Variants in NEO1 observed in about 807,000 individuals in gnomAD.
The protein encoded by NEO1 is neogenin.
Under a neutral mutation model 159.7 loss-of-function variants are expected in NEO1, and 63 were observed. That is an observed-to-expected ratio of 0.39 (90% CI 0.32 to 0.49). The LOEUF (loss-of-function observed/expected upper bound fraction) is 0.49, where lower values mean the gene tolerates loss of function less well. Ranked by LOEUF, NEO1 falls within the 20% of genes least tolerant of loss-of-function variation. The pLI is 0.85. For synonymous variants in NEO1, 633 were observed against 662.0 expected (o/e 0.96, Z 0.67); for missense variants, 1,615 against 1,831.0 (o/e 0.88, Z 2.15).
chr15:73,188,755 A>G (rs2036074428), intron 7 of NEO1, among the ~76,000 whole-genome samples: 1 of 152,202 alleles, frequency 6.6e-6, no homozygotes. Context: ...AAAGGATACA[A>G]ACCTAATCAC....
At chr15:73,092,435 T>C (rs1447325132) in intron 1 of NEO1, among the ~76,000 whole-genome samples, 1 of 152,206 alleles carries the variant, frequency 6.6e-6, no homozygotes, top group East Asian at 1.9e-4. Context: ...ATGGCATTAG[T>C]TTTTGATTTG....
chr15:73,240,595 AC>A (rs781514270), intron 8 of NEO1, among the ~76,000 whole-genome samples: 34 of 152,360 alleles, frequency 2.2e-4, no homozygotes, highest in Admixed American at 3.9e-4. Flanking sequence ...AGAAAGTTGT[AC>A]ACTGTGATTT....
intron 1 of NEO1, among the ~76,000 whole-genome samples, chr15:73,099,333 G>A (rs1019416947): frequency 1.3e-5 from 2 of 152,194 alleles, no homozygotes; most frequent in Non-Finnish European, 2.9e-5. Flanking sequence ...GCAGGACTGA[G>A]TTAAGAAGCT....
intron 15 of NEO1, among the ~76,000 whole-genome samples, chr15:73,265,429 A>G (rs2040839619): frequency 6.6e-6 from 1 of 152,194 alleles, no homozygotes; most frequent in Non-Finnish European, 1.5e-5. Flanking sequence ...AAAGATCCAG[A>G]CTAGAGATCT....
Position 73,295,125 on chromosome 15 carries a change from A to AATATATAT in NEO1, c.3901+1588_3901+1595dup, listed in dbSNP as rs10524460. Among the ~76,000 whole-genome samples the AATATATAT allele has an allele frequency of 2.5e-3, 246 of 100,184 alleles. 9 individuals carry two copies. Among genetic ancestry groups the AATATATAT allele is most frequent in the African/African-American group, 6.7e-3 (185 of 27,730 alleles). 65.7% of individuals were successfully genotyped at this position (100,184 alleles called of 152,430 possible). On this transcript the variant is annotated intron_variant, in intron 26 of 28. Transcript: ENST00000261908. ...AAGATCCCGTCTCTACTAAATATTA[A>AATATATAT]ATATATATATATATATATGTAAAAA...
intron 1 of NEO1, among the ~76,000 whole-genome samples, chr15:73,083,935 ATGAGGCAC>A (rs897380458): frequency 6.6e-6 from 1 of 152,180 alleles, no homozygotes; most frequent in African/African-American, 2.4e-5. Context: ...GATTACAGGC[ATGAGGCAC>A]TATGCCTGGC....
At chr15:73,117,246 G>T (rs2071378518) in intron 2 of NEO1, among the ~76,000 whole-genome samples, 1 of 152,156 alleles carries the variant, frequency 6.6e-6, no homozygotes, top group African/African-American at 2.4e-5. Flanking sequence ...CAGAATCCTG[G>T]TTCCTTGATG....
At chr15:73,237,291 T>C (rs1422585923) in intron 8 of NEO1, among the ~76,000 whole-genome samples, 2 of 152,204 alleles carry the variant, frequency 1.3e-5, no homozygotes, top group African/African-American at 4.8e-5. Context: ...ATCCCTAATA[T>C]TGGCACTTGA....
chr15:73,142,652 G>C (rs1457684288), intron 5 of NEO1, among the ~76,000 whole-genome samples: 5 of 152,118 alleles, frequency 3.3e-5, no homozygotes, highest in Non-Finnish European at 7.4e-5. Context: ...AACTGATGGA[G>C]GCAAAGGCTC....
intron 5 of NEO1, among the ~76,000 whole-genome samples, chr15:73,138,212 G>GA (rs1355706501): frequency 6.6e-6 from 1 of 152,130 alleles, no homozygotes; most frequent in Non-Finnish European, 1.5e-5. Flanking sequence ...ACCTACAAAA[G>GA]AAAAAGATTG....
In NEO1 at chr15:73,090,482, T is replaced by C. The variant is rs147601533; in HGVS notation, c.131-26058T>C. On this transcript the variant is annotated intron_variant, in intron 1 of 28. Coordinates refer to ENST00000261908, the MANE Select transcript of NEO1 (RefSeq NM_002499.4). ...AATTTGTTAATATGATAATCTCTGC[T>C]TAAAGATGGCAGCCCAATGAATAGG... Among the ~76,000 whole-genome samples, 450 of 152,336 alleles carry C rather than the reference T, an allele frequency of 3.0e-3. 2 individuals are homozygous for C. Among genetic ancestry groups the C allele is most frequent in the African/African-American group, 0.01 (427 of 41,584 alleles).
At chr15:73,056,973 A>T (rs1430092581) in intron 1 of NEO1, among the ~76,000 whole-genome samples, 2 of 152,212 alleles carry the variant, frequency 1.3e-5, no homozygotes, top group Admixed American at 6.5e-5. Flanking sequence ...CATAAACTGT[A>T]TGAAAATTAA....
At position 73,117,056 on chromosome 15, in the gene NEO1, G is replaced by T. The variant is rs147523832; in HGVS notation, c.448+199G>T. Among the ~76,000 whole-genome samples, 8 of 152,252 alleles carry T rather than the reference G, an allele frequency of 5.3e-5. No individual in the cohort carries two copies. In the East Asian group the frequency reaches 1.2e-3, roughly 22 times the overall value. On this transcript the variant is annotated intron_variant, in intron 2 of 28. Coordinates refer to ENST00000261908, the MANE Select transcript of NEO1 (RefSeq NM_002499.4). ...AGTGCCGTAGAGAATAAACTGTAGC[G>T]TGTTTCCACTTGTCTGATGGCTTAA...
intron 25 of NEO1, among the ~76,000 whole-genome samples, chr15:73,292,064 T>C (rs929533251): frequency 7.9e-5 from 12 of 152,080 alleles, no homozygotes; most frequent in African/African-American, 2.7e-4. Context: ...GAGCCTCTGG[T>C]CCCCAAGAGC....
chr15:73,157,506 G>A (rs2033867691), intron 5 of NEO1, among the ~76,000 whole-genome samples: 1 of 152,236 alleles, frequency 6.6e-6, no homozygotes, highest in African/African-American at 2.4e-5. Flanking sequence ...AGCCTGGATT[G>A]TACAATTCCC....
chr15:73,282,878 G>C (rs755391928), intron 22 of NEO1, 86 bp from the exon 23 acceptor site: 16 of 1,470,992 alleles, frequency 1.1e-5, no homozygotes, highest in Non-Finnish European at 1.5e-5. Flanking sequence ...AGAAGTTCAC[G>C]TGAGATATTA....
rs77945866 is a variant in NEO1, at chr15:73,290,880, C to T, written c.3742+1642C>T. Among the ~76,000 whole-genome samples, 116 of 152,282 alleles carry T rather than the reference C, an allele frequency of 7.6e-4. 1 individual carries two copies. The highest frequency in any genetic ancestry group is 2.7e-3 in the African/African-American group (112 of 41,550). On this transcript the variant is annotated intron_variant, in intron 25 of 28. Coordinates refer to ENST00000261908, the MANE Select transcript of NEO1 (RefSeq NM_002499.4). ...TTGGAAAAGTTCCTCAAATCCCCAA[C>T]CTCTTGGTGGAAGCTTCAAGCACGT...
intron 23 of NEO1, among the ~76,000 whole-genome samples, chr15:73,285,700 AC>A (rs2041918584): frequency 6.6e-6 from 1 of 151,990 alleles, no homozygotes; most frequent in South Asian, 2.1e-4. Flanking sequence ...GAGAATCTAA[AC>A]CCTCGTTGGT....
intron 1 of NEO1, among the ~76,000 whole-genome samples, chr15:73,063,482 T>G (rs2068068522): frequency 6.6e-6 from 1 of 152,138 alleles, no homozygotes; most frequent in Non-Finnish European, 1.5e-5. Flanking sequence ...TTTTATTTGA[T>G]GGCTGTGTGT....
Sources: gnomAD v4.1 joint callset for allele counts (sites outside exome capture counted in the v4.1 genomes callset) on GRCh38, gnomAD v4.1.1 for gene constraint, MANE v1.5 for transcripts, NCBI Gene and HGNC (gene_info 2026-07-23, HGNC 2026-07-21) for gene names.